Variants in TARBP1 observed in about 807,000 individuals in gnomAD.
TARBP1 encodes the protein tRNA guanosine 2 -O-methyltransferase TARBP1, also known as tRNA (guanosine(18)-2'-O)-methyltransferase TARBP1.
TARBP1 carries 144 observed loss-of-function variants against 178.6 expected under a neutral mutation model. That is an observed-to-expected ratio of 0.81 (90% confidence interval 0.70 to 0.93). The LOEUF (loss-of-function observed/expected upper bound fraction) is 0.93, where lower values mean the gene tolerates loss of function less well. Ranked by LOEUF, TARBP1 falls within the 40% of genes least tolerant of loss-of-function variation. The pLI is 0.00. For synonymous variants in TARBP1, 787 were observed against 781.0 expected (o/e 1.01, Z -0.13); for missense variants, 2,067 against 2,011.7 (o/e 1.03, Z -0.53).
intron 3 of TARBP1, among the ~76,000 whole-genome samples, chr1:234,468,732 C>T (rs1259515367): frequency 6.6e-6 from 1 of 151,936 alleles, no homozygotes; most frequent in Admixed American, 6.6e-5. Context: ...ACCTCATCCC[C>T]CACTCCACAC....
intron 12 of TARBP1, among the ~76,000 whole-genome samples, chr1:234,438,504 T>C (rs533153215): frequency 2.6e-5 from 4 of 152,212 alleles, no homozygotes; most frequent in African/African-American, 7.2e-5. Flanking sequence ...ATAACTGAAA[T>C]AAATTCACTG....
chr1:234,476,343 A>G (rs1158248457), intron 1 of TARBP1, among the ~76,000 whole-genome samples: 1 of 152,258 alleles, frequency 6.6e-6, no homozygotes, highest in Non-Finnish European at 1.5e-5. Context: ...AAGTGAGTAA[A>G]GCAAAAAAGA....
At chr1:234,425,495 C>A (rs1038153868) in intron 20 of TARBP1, among the ~76,000 whole-genome samples, 178 bp downstream of exon 20, 3 of 152,166 alleles carry the variant, frequency 2.0e-5, no homozygotes, top group Non-Finnish European at 2.9e-5. Context: ...GCTAGGATTA[C>A]AGGCGTGAGC....
intron 23 of TARBP1, among the ~76,000 whole-genome samples, chr1:234,410,061 A>C (rs1388767923): frequency 1.3e-5 from 2 of 152,236 alleles, no homozygotes. Context: ...TCTGGCCATA[A>C]GTTTCTTTGC....
intron 28 of TARBP1, 21 bp downstream of exon 28, chr1:234,393,341 A>G (rs765071250): frequency 6.8e-7 from 1 of 1,470,728 alleles, no homozygotes; most frequent in South Asian, 1.5e-5. Flanking sequence ...GAACTTTAAT[A>G]ATAAATTACT....
In TARBP1 at chr1:234,471,181, T is replaced by C; in HGVS notation, c.1099+7A>G. 6.3e-7 allele frequency: 1 copy of C among 1,582,346 alleles called. No individual in the cohort carries two copies. Among genetic ancestry groups the C allele is most frequent in the Non-Finnish European group, 8.6e-7 (1 of 1,166,278 alleles). On this transcript the variant is annotated splice_region_variant and intron_variant, in intron 3 of 29. Transcript: ENST00000040877. ...TTATTAAAAAATAAAATAAAAGTAA[T>C]CGTTACCATTTTCCTCTGACACCGC...
chr1:234,432,883 C>T (rs747735251), intron 14 of TARBP1, among the ~76,000 whole-genome samples: 2 of 152,090 alleles, frequency 1.3e-5, no homozygotes, highest in South Asian at 2.1e-4. Flanking sequence ...TTACTGGACA[C>T]GTTTGGGCAA....
rs12402201 is a variant in TARBP1, at chr1:234,444,137, G to T, written c.2134+2666C>A. On this transcript the variant is annotated intron_variant, in intron 12 of 29. Coordinates refer to ENST00000040877, the MANE Select transcript of TARBP1 (RefSeq NM_005646.4). Reference sequence around the variant, plus strand: ...TTACTTTATGTATAAAACTATCTATGCATAAAACTAACTATGTATAAAAAC... The same window carrying T: ...TTACTTTATGTATAAAACTATCTATTCATAAAACTAACTATGTATAAAAAC... 2.0e-5 allele frequency among the ~76,000 whole-genome samples: 3 copies of T among 151,858 alleles called. No individual in the cohort carries two copies. In the South Asian group the frequency reaches 6.2e-4, roughly 31 times the overall value.
At chr1:234,471,091 T>C (rs933220388) in intron 3 of TARBP1, 97 bp downstream of exon 3, 3 of 891,866 alleles carry the variant, frequency 3.4e-6, no homozygotes, top group Middle Eastern at 6.6e-4. Context: ...TACACTTTTA[T>C]AGTTTTTCAA....
chr1:234,469,262 A>G (rs1244985145), intron 3 of TARBP1, among the ~76,000 whole-genome samples: 1 of 151,866 alleles, frequency 6.6e-6, no homozygotes, highest in Non-Finnish European at 1.5e-5. Flanking sequence ...TCTATTAGAG[A>G]AAAATACTCA....
At chr1:234,466,882 G>C (rs1050779758) in intron 4 of TARBP1, among the ~76,000 whole-genome samples, 2 of 151,914 alleles carry the variant, frequency 1.3e-5, no homozygotes, top group African/African-American at 4.8e-5. Context: ...AACAGCTATT[G>C]AAAGAAAAAG....
At chr1:234,463,998 T>C in intron 5 of TARBP1, 64 bp from the exon 6 acceptor site, 2 of 1,037,050 alleles carry the variant, frequency 1.9e-6, no homozygotes, top group Non-Finnish European at 2.7e-6. Context: ...ACACTAAAAC[T>C]AGCCTAAATG....
At chr1:234,435,170 C>T (rs2103152021) in intron 13 of TARBP1, among the ~76,000 whole-genome samples, 1 of 152,294 alleles carries the variant, frequency 6.6e-6, no homozygotes, top group African/African-American at 2.4e-5. Context: ...GGACCCTTGG[C>T]TGGGTGCAGT....
intron 18 of TARBP1, 50 bp downstream of exon 18, chr1:234,427,526 G>T: frequency 3.9e-6 from 6 of 1,524,352 alleles, no homozygotes; most frequent in Non-Finnish European, 5.3e-6. Context: ...CTATACCCAA[G>T]TAGGCACTTA....
chr1:234,393,300 G>A lies in TARBP1; in HGVS notation c.4560+62C>T, dbSNP rs1659587525. On this transcript the variant is annotated intron_variant, in intron 28 of 29. Coordinates refer to ENST00000040877, the MANE Select transcript of TARBP1 (RefSeq NM_005646.4). ...ACTTTTTTTTAAACTTTTATTTTAGGTTCACGGGTACATGTGCGGGCTTGT... is the reference window on the plus strand; with the variant it reads ...ACTTTTTTTTAAACTTTTATTTTAGATTCACGGGTACATGTGCGGGCTTGT... The A allele has an allele frequency of 1.0e-5, 14 of 1,363,962 alleles. No individual in the cohort carries two copies. The East Asian group carries it at 2.9e-4, about 29-fold the overall frequency. The allele number at this position is 1,363,962 out of a possible 1,614,324, so 84.5% of individuals were successfully genotyped here. A position where few individuals can be genotyped will look rare whatever the true frequency, so the allele number is the denominator to read the frequency against.
intron 5 of TARBP1, among the ~76,000 whole-genome samples, chr1:234,464,543 T>A (rs534952405): frequency 6.6e-6 from 1 of 152,264 alleles, no homozygotes; most frequent in Non-Finnish European, 1.5e-5. Context: ...TTGGTTTTAC[T>A]GCTCTCCAGC....
chr1:234,462,687 C>CAAAAAAAAAAAAAAAAA, intron 6 of TARBP1, among the ~76,000 whole-genome samples: 1 of 102,800 alleles, frequency 9.7e-6, no homozygotes, highest in Non-Finnish European at 1.9e-5. Context: ...GACTTCATCT[C>CAAAAAAAAAAAAAAAAA]AAAAAAAAAA....
In TARBP1 at chr1:234,429,491, T is replaced by G; in HGVS notation, c.2796A>C (p.Ala932=). The stretch of plus-strand genomic sequence containing the variant: ...AAGAAAGAACTGTGAGGGCTTCTAG[T>G]GCAGACTGCAAAGTCCTTATTGGCA... ...VQMPIRTLQS[A]LEALTVLSSD... The change falls in exon 16 of 30, where the codon GCA becomes GCC. Residue 932 remains alanine, a synonymous_variant. Transcript: ENST00000040877. 1 of 1,614,234 alleles carries G rather than the reference T, an allele frequency of 6.2e-7. No homozygotes were observed. Among genetic ancestry groups the G allele is most frequent in the South Asian group, 1.1e-5 (1 of 91,086 alleles).
chr1:234,429,710 T>G lies in TARBP1; in HGVS notation c.2610-33A>C. 3 of 1,488,886 alleles carry G rather than the reference T, an allele frequency of 2.0e-6. No individual in the cohort carries two copies. In the East Asian group the frequency reaches 6.8e-5, roughly 34 times the overall value. The allele number at this position is 1,488,886 out of a possible 1,614,324, so 92.2% of individuals were successfully genotyped here. A position where few individuals can be genotyped will look rare whatever the true frequency, so the allele number is the denominator to read the frequency against. On this transcript the variant is annotated intron_variant, in intron 15 of 29. Transcript: ENST00000040877. Reference sequence around the variant, plus strand: ...AAAAAATAAAGTTACTAGGCCATACTTCCCCAATTTGCCTCCACGTCTTTT... The same window carrying G: ...AAAAAATAAAGTTACTAGGCCATACGTCCCCAATTTGCCTCCACGTCTTTT...
Sources: allele counts gnomAD v4.1 joint callset (sites outside exome capture counted in the v4.1 genomes callset), GRCh38; gene constraint gnomAD v4.1.1; transcripts MANE v1.5; gene names NCBI Gene and HGNC (gene_info 2026-07-23, HGNC 2026-07-21).